Variants in GREB1L observed in about 807,000 individuals in gnomAD.
GREB1L encodes GREB1 like retinoic acid receptor coactivator.
Under a neutral mutation model 200.8 loss-of-function variants are expected in GREB1L, and 17 were observed. The ratio of observed to expected loss-of-function variants is 0.08; its 90% CI spans 0.06 to 0.13. GREB1L has a LOEUF of 0.13. Among genes scored for constraint, GREB1L ranks in the 10% least tolerant of loss-of-function variants. The pLI is 1.00. For synonymous variants in GREB1L, 789 were observed against 893.0 expected (o/e 0.88, Z 2.08); for missense variants, 1,657 against 2,367.7 (o/e 0.70, Z 6.23).
intron 1 of GREB1L, among the ~76,000 whole-genome samples, chr18:21,270,169 G>A (rs2038055203): frequency 6.6e-6 from 1 of 152,076 alleles, no homozygotes; most frequent in Admixed American, 6.6e-5. Flanking sequence ...TCTTAACAGT[G>A]TAACATGCTA....
At position 21,525,004 on chromosome 18, in the gene GREB1L, A is replaced by ATT; in HGVS notation, c.*2185_*2186dup. 1 of 91,380 alleles carries ATT rather than the reference A, an allele frequency of 1.1e-5. No individual in the cohort carries two copies. Among genetic ancestry groups the ATT allele is most frequent in the East Asian group, 3.8e-4 (1 of 2,666 alleles). 5.7% of individuals were successfully genotyped at this position (91,380 alleles called of 1,614,324 possible). On this transcript the variant is annotated 3_prime_UTR_variant, in exon 33 of 33. Transcript: ENST00000424526. The stretch of plus-strand genomic sequence containing the variant: ...AATTGCACAAGCACAGGACACCATG[A>ATT]TTTGTGTGTATATATATATATATCC...
At chr18:21,276,841 A>G (rs1423993808) in intron 1 of GREB1L, among the ~76,000 whole-genome samples, 3 of 151,936 alleles carry the variant, frequency 2.0e-5, no homozygotes, top group Non-Finnish European at 2.9e-5. Flanking sequence ...AAAGGAAGAA[A>G]GGAAGCGTTT....
intron 5 of GREB1L, among the ~76,000 whole-genome samples, chr18:21,396,989 A>G (rs974010587): frequency 4.6e-5 from 7 of 152,174 alleles, no homozygotes; most frequent in Non-Finnish European, 1.0e-4. Context: ...AATGAATTCA[A>G]ATATTGTATT....
intron 11 of GREB1L, among the ~76,000 whole-genome samples, chr18:21,449,045 A>T (rs1341505542): frequency 1.3e-5 from 2 of 152,272 alleles, no homozygotes; most frequent in Admixed American, 6.5e-5. Context: ...TAGGCTTAGA[A>T]GCAACACATT....
At chr18:21,278,807 A>G (rs2038218971) in intron 1 of GREB1L, among the ~76,000 whole-genome samples, 1 of 152,206 alleles carries the variant, frequency 6.6e-6, no homozygotes, top group Non-Finnish European at 1.5e-5. Context: ...TTGATTATGT[A>G]TTTTTAAAAT....
At chr18:21,500,679 G>C (rs1163534095) in intron 23 of GREB1L, 37 bp downstream of exon 23, 7 of 1,392,406 alleles carry the variant, frequency 5.0e-6, no homozygotes, top group Non-Finnish European at 6.8e-6. Context: ...AGAGGGGCAA[G>C]AGACAAAGAC....
chr18:21,522,789 C>T lies in GREB1L; in HGVS notation c.5740C>T (p.Pro1914Ser), dbSNP rs1316393089. 6.4e-7 allele frequency: 1 copy of T among 1,551,542 alleles called. No individual in the cohort carries two copies. The highest frequency in any genetic ancestry group is 2.0e-5 in the Admixed American group (1 of 50,966). ...FQTANSSDDK[P>S]LYFLTGRHV ...AACTGCTAACAGCAGTGATGACAAG[C>T]CTCTCTACTTTCTTACTGGACGTCA... is the stretch of plus-strand genomic sequence containing the variant. The change falls in exon 33 of 33, where the codon CCT (proline) becomes TCT (serine). Residue 1914 changes from proline (P) to serine (S), a missense_variant. By Grantham distance (74) the Pro-to-Ser change is moderately conservative. Around this residue, in one of 9 missense-constraint regions of GREB1L, gnomAD observed 190 missense variants for 230.2 expected, o/e 0.83. Coordinates refer to ENST00000424526, the MANE Select transcript of GREB1L (RefSeq NM_001142966.3).
chr18:21,479,911 A>T (rs1468006662), intron 17 of GREB1L, among the ~76,000 whole-genome samples: 2 of 152,028 alleles, frequency 1.3e-5, no homozygotes, highest in Non-Finnish European at 2.9e-5. Flanking sequence ...GACTAATTTT[A>T]AAAATATTCT....
chr18:21,522,154 ATTAC>A (rs1373853351), intron 32 of GREB1L, among the ~76,000 whole-genome samples: 2 of 151,934 alleles, frequency 1.3e-5, no homozygotes, highest in African/African-American at 4.8e-5. Flanking sequence ...TGGTTGGAAG[ATTAC>A]TTACTTTATA....
intron 1 of GREB1L, among the ~76,000 whole-genome samples, chr18:21,332,179 A>T (rs1488431604): frequency 6.6e-6 from 1 of 152,236 alleles, no homozygotes. Flanking sequence ...CATAAATATG[A>T]AGATCTGCTG....
rs150321342 is a variant in GREB1L at position 21,283,789 on chromosome 18, T to G, written c.-120+41396T>G. Among the ~76,000 whole-genome samples, 1,185 of 152,328 alleles carry G rather than the reference T, an allele frequency of 7.8e-3. 27 individuals are homozygous for G. Among genetic ancestry groups the G allele is most frequent in the African/African-American group, 0.027 (1,138 of 41,572 alleles). On this transcript the variant is annotated intron_variant, in intron 1 of 32. Coordinates refer to ENST00000424526, the MANE Select transcript of GREB1L (RefSeq NM_001142966.3). ...GTCTGTATTAACTGTCTTTAGGATA[T>G]GAACATCTTGTTCAATGGACAAGTT...
intron 15 of GREB1L, among the ~76,000 whole-genome samples, chr18:21,466,857 A>G (rs1165727470): frequency 6.6e-6 from 1 of 152,150 alleles, no homozygotes; most frequent in Non-Finnish European, 1.5e-5. Context: ...GCTACAGTAA[A>G]CTATATAAGC....
At chr18:21,479,524 TA>T (rs904012456) in intron 17 of GREB1L, among the ~76,000 whole-genome samples, 8 of 151,596 alleles carry the variant, frequency 5.3e-5, no homozygotes, top group African/African-American at 1.9e-4. Context: ...ACAAGAAGTA[TA>T]AAAGTTAGCC....
chr18:21,331,154 A>G (rs1404014286), intron 1 of GREB1L, among the ~76,000 whole-genome samples: 1 of 152,198 alleles, frequency 6.6e-6, no homozygotes, highest in Non-Finnish European at 1.5e-5. Context: ...ATTGGTGACT[A>G]TTATATTTGT....
At chr18:21,377,941 T>G (rs778746486) in intron 2 of GREB1L, among the ~76,000 whole-genome samples, 1 of 152,132 alleles carries the variant, frequency 6.6e-6, no homozygotes, top group Non-Finnish European at 1.5e-5. Flanking sequence ...ATCATTATGT[T>G]GCTGGTCTCA....
rs185174297 is a variant in GREB1L, at chr18:21,520,192, C to T, written c.5473-496C>T. On this transcript the variant is annotated intron_variant, in intron 31 of 32. Coordinates refer to ENST00000424526, the MANE Select transcript of GREB1L (RefSeq NM_001142966.3). ...CTGACCTCAGATGATCCATCCACCTCGGCCTCTCAAAGGGCTGGGATTACA... is the reference window on the plus strand; with the variant it reads ...CTGACCTCAGATGATCCATCCACCTTGGCCTCTCAAAGGGCTGGGATTACA... Among the ~76,000 whole-genome samples the T allele has an allele frequency of 1.4e-3, 216 of 152,318 alleles. 1 individual carries two copies. The highest frequency in any genetic ancestry group is 4.9e-3 in the African/African-American group (203 of 41,568).
chr18:21,354,116 T>C (rs1259397759), intron 1 of GREB1L, among the ~76,000 whole-genome samples: 1 of 152,164 alleles, frequency 6.6e-6, no homozygotes, highest in Non-Finnish European at 1.5e-5. Context: ...GTAATTGTTA[T>C]TCTTAAAATT....
At chr18:21,341,298 G>A (rs1481457365) in intron 1 of GREB1L, among the ~76,000 whole-genome samples, 1 of 152,218 alleles carries the variant, frequency 6.6e-6, no homozygotes, top group Non-Finnish European at 1.5e-5. Context: ...AAAGACAGGA[G>A]AGGCCACAGC....
At position 21,293,849 on chromosome 18, in the gene GREB1L, G is replaced by A. The variant is rs559316779; in HGVS notation, c.-120+51456G>A. 9.2e-5 allele frequency among the ~76,000 whole-genome samples: 14 copies of A among 152,148 alleles called. No homozygotes were observed. The East Asian group carries it at 2.3e-3, about 25-fold the overall frequency. ...GGCTGGAGTGCAGTGGAGTGATCCC[G>A]GCTCACTGCAACTTCTGTCTCCCGG... is the stretch of plus-strand genomic sequence containing the variant. On this transcript the variant is annotated intron_variant, in intron 1 of 32. Coordinates refer to ENST00000424526, the MANE Select transcript of GREB1L (RefSeq NM_001142966.3).
Sources: gnomAD v4.1 joint callset for allele counts (sites outside exome capture counted in the v4.1 genomes callset) on GRCh38, gnomAD v4.1.1 for gene constraint, gnomAD v4.1.1 regional missense constraint, MANE v1.5 for transcripts, NCBI Gene and HGNC (gene_info 2026-07-23, HGNC 2026-07-21) for gene names.